Variants in SIX1 observed in about 807,000 individuals in gnomAD.
The protein encoded by SIX1 is SIX homeobox 1.
SIX1 carries 11 observed loss-of-function variants against 26.5 expected under a neutral mutation model. The observed-to-expected ratio is 0.41, with a 90% CI of 0.26 to 0.69. The LOEUF (loss-of-function observed/expected upper bound fraction) is 0.69, where lower values mean the gene tolerates loss of function less well. Ranked by LOEUF, SIX1 falls within the 30% of genes least tolerant of loss-of-function variation. SIX1 has a pLI of 0.28. For missense variants in SIX1, 333 were observed against 365.9 expected (o/e 0.91, Z 0.73); for synonymous variants, 177 against 166.2 (o/e 1.06, Z -0.50).
chr14:60,648,842 T>A lies in SIX1; in HGVS notation c.348A>T (p.Pro116=). 1 of 1,614,150 alleles carries A rather than the reference T, an allele frequency of 6.2e-7. No homozygotes were observed. ...CGCCGTCCCAGATGGTGCGCGGCAG[T>A]GGAAATTTTCGGCGCACCCGATATT... is the stretch of plus-strand genomic sequence containing the variant. ...VGKYRVRRKF[P]LPRTIWDGEE... is the part of the protein sequence containing the mutation. Residue 116 remains proline (P), a synonymous_variant, in exon 1 of 2, where the codon CCA becomes CCT. Coordinates refer to ENST00000645694, the MANE Select transcript of SIX1 (RefSeq NM_005982.4). The surrounding 1 kb of genome is among the most constrained non-coding windows in gnomAD (Gnocchi z 7.9).
chr14:60,648,521 C>T lies in SIX1; in HGVS notation c.560+109G>A. The T allele has an allele frequency of 8.7e-7, 1 of 1,154,894 alleles. No individual in the cohort carries two copies. Among genetic ancestry groups the T allele is most frequent in the African/African-American group, 1.5e-5 (1 of 65,510 alleles). The allele number at this position is 1,154,894 out of a possible 1,614,324, so 71.5% of individuals were successfully genotyped here. A position where few individuals can be genotyped will look rare whatever the true frequency, so the allele number is the denominator to read the frequency against. ...CTGCGCGCCGCCCCGTGGACGGGCT[C>T]CGGCCGGCGGGGAGGACTTGGTGGC... On this transcript the variant is annotated intron_variant, in intron 1 of 1. Transcript: ENST00000645694. This position sits in a 1 kb window ranked among gnomAD's most constrained non-coding sequence, Gnocchi z 7.9.
chr14:60,648,708 G>C lies in SIX1; in HGVS notation c.482C>G (p.Thr161Ser), dbSNP rs779837812. 5.0e-6 allele frequency: 8 copies of C among 1,613,816 alleles called. No homozygotes were observed. The highest frequency in any genetic ancestry group is 1.7e-5 in the Admixed American group (1 of 60,010). Residue 161 changes from threonine to serine, a missense_variant, in exon 1 of 2, where the codon ACC becomes AGC. Thr to Ser is a moderately conservative substitution (Grantham distance 58). Coordinates refer to ENST00000645694, the MANE Select transcript of SIX1 (RefSeq NM_005982.4). The surrounding 1 kb of genome is among the most constrained non-coding windows in gnomAD (Gnocchi z 7.9). The stretch of plus-strand genomic sequence containing the variant: ...GCTGACCTGGGTGGTGGTGAGGCCG[G>C]TGGCCTCGGCCAGCTCCCGCTTCTC... Reference protein sequence around the residue: ...PREKRELAEATGLTTTQVSNW... With the variant: ...PREKRELAEASGLTTTQVSNW...
Position 60,648,426 on chromosome 14 carries a change from G to A in SIX1, c.560+204C>T, listed in dbSNP as rs1024253318. On this transcript the variant is annotated intron_variant, in intron 1 of 1. Transcript: ENST00000645694. This position sits in a 1 kb window ranked among gnomAD's most constrained non-coding sequence, Gnocchi z 7.9. ...AGAAACCCACGCGCGGGTGCTCAAA[G>A]CAAATGAGGCCCCATCCTTAGCAAG... Among the ~76,000 whole-genome samples, 1 of 152,238 alleles carries A rather than the reference G, an allele frequency of 6.6e-6. No homozygotes were observed. Among genetic ancestry groups the A allele is most frequent in the African/African-American group, 2.4e-5 (1 of 41,470 alleles).
At position 60,644,561 on chromosome 14, in the gene SIX1, A is replaced by G. The variant is rs1026927518; in HGVS notation, c.*1722T>C. ...TTTTCTAGACCAGAACAGAAATAGG[A>G]AAGAGTAAGAAAGAAATAATATATT... On this transcript the variant is annotated 3_prime_UTR_variant, in exon 2 of 2. Coordinates refer to ENST00000645694, the MANE Select transcript of SIX1 (RefSeq NM_005982.4). The G allele has an allele frequency of 6.6e-6, 1 of 152,220 alleles. No homozygotes were observed. Among genetic ancestry groups the G allele is most frequent in the Non-Finnish European group, 1.5e-5 (1 of 68,044 alleles). The allele number at this position is 152,220 out of a possible 1,614,324, so 9.4% of individuals were successfully genotyped here. A position where few individuals can be genotyped will look rare whatever the true frequency, so the allele number is the denominator to read the frequency against.
In SIX1 at chr14:60,649,192, C is replaced by G. The variant is rs775477360; in HGVS notation, c.-3G>C. 10 of 1,605,856 alleles carry G rather than the reference C, an allele frequency of 6.2e-6. No individual in the cohort carries two copies. The highest frequency in any genetic ancestry group is 1.3e-5 in the African/African-American group (1 of 74,928). On this transcript the variant is annotated 5_prime_UTR_variant, in exon 1 of 2. Transcript: ENST00000645694. This position sits in a 1 kb window ranked among gnomAD's most constrained non-coding sequence, Gnocchi z 5.1. ...CCAAACGACGGCAGCATCGACATGG[C>G]TGGGGCCTGCCGGGGCGCACGGCCC...
chr14:60,648,539 T>A lies in SIX1; in HGVS notation c.560+91A>T. The A allele has an allele frequency of 2.2e-6, 3 of 1,339,448 alleles. No homozygotes were observed. Among genetic ancestry groups the A allele is most frequent in the Non-Finnish European group, 3.1e-6 (3 of 965,950 alleles). 83.0% of individuals were successfully genotyped at this position (1,339,448 alleles called of 1,614,324 possible). A position where few individuals can be genotyped will look rare whatever the true frequency, so the allele number is the denominator to read the frequency against. On this transcript the variant is annotated intron_variant, in intron 1 of 1. Transcript: ENST00000645694. The surrounding 1 kb of genome is among the most constrained non-coding windows in gnomAD (Gnocchi z 7.9). ...ACGGGCTCCGGCCGGCGGGGAGGAC[T>A]TGGTGGCTGGTGCCTGCGGGGGCGG... is the stretch of plus-strand genomic sequence containing the variant.
In SIX1 at chr14:60,646,652, A is replaced by C. The variant is rs375926073; in HGVS notation, c.561-75T>G. The C allele has an allele frequency of 2.7e-4, 354 of 1,300,940 alleles. 2 individuals are homozygous for C. The African/African-American group carries it at 4.7e-3, about 17-fold the overall frequency. 80.6% of individuals were successfully genotyped at this position (1,300,940 alleles called of 1,614,324 possible). A position where few individuals can be genotyped will look rare whatever the true frequency, so the allele number is the denominator to read the frequency against. ...AAAAGTAGGTTAAAAAAAAAGTGTG[A>C]GATGGAGGGAGGGGAGCTGGAAGGA... On this transcript the variant is annotated intron_variant, in intron 1 of 1. Transcript: ENST00000645694.
chr14:60,646,667 A>C, intron 1 of SIX1, 90 bp from the exon 2 acceptor site: 2 of 1,106,882 alleles, frequency 1.8e-6, no homozygotes, highest in Non-Finnish European at 2.6e-6. Flanking sequence ...GAGGGAGGGG[A>C]GCTGGAAGGA....
rs890107472 is a variant in SIX1, at chr14:60,649,007, G to A, written c.183C>T (p.Gly61=). 1.9e-6 allele frequency: 3 copies of A among 1,613,998 alleles called. No individual in the cohort carries two copies. Among genetic ancestry groups the A allele is most frequent in the Admixed American group, 3.3e-5 (2 of 60,014 alleles). The part of the protein sequence containing the change: ...KAKAVVAFHR[G]NFRELYKILE... ...GGATCTTGTAGAGCTCACGGAAGTT[G>A]CCGCGGTGGAAGGCGACCACCGCCT... Residue 61 remains glycine, a synonymous_variant, in exon 1 of 2, where the codon GGC becomes GGT. Coordinates refer to ENST00000645694, the MANE Select transcript of SIX1 (RefSeq NM_005982.4). The surrounding 1 kb of genome is among the most constrained non-coding windows in gnomAD (Gnocchi z 5.1).
At position 60,649,450 on chromosome 14, in the gene SIX1, G is replaced by T. The variant is rs1378348027; in HGVS notation, c.-261C>A. 4.7e-6 allele frequency: 2 copies of T among 423,218 alleles called. No homozygotes were observed. The highest frequency in any genetic ancestry group is 8.4e-6 in the Non-Finnish European group (2 of 238,514). 26.2% of individuals were successfully genotyped at this position (423,218 alleles called of 1,614,324 possible). The stretch of plus-strand genomic sequence containing the variant: ...CTTGCTGCCTCCGACCTCCCGCCCG[G>T]TGGATGCTGCTAGTTGCCGGGGAAC... On this transcript the variant is annotated 5_prime_UTR_variant, in exon 1 of 2. Transcript: ENST00000645694. The surrounding 1 kb of genome is among the most constrained non-coding windows in gnomAD (Gnocchi z 5.1).
In SIX1 at chr14:60,649,207, G is replaced by T. The variant is rs749901536; in HGVS notation, c.-18C>A. ...ATCGACATGGCTGGGGCCTGCCGGG[G>T]CGCACGGCCCAGGCGCACGCGGCAG... On this transcript the variant is annotated 5_prime_UTR_variant, in exon 1 of 2. Transcript: ENST00000645694. This position sits in a 1 kb window ranked among gnomAD's most constrained non-coding sequence, Gnocchi z 5.1. The T allele has an allele frequency of 6.2e-7, 1 of 1,601,946 alleles. No individual in the cohort carries two copies. The highest frequency in any genetic ancestry group is 1.1e-5 in the South Asian group (1 of 90,684).
At chr14:60,646,690 T>G in intron 1 of SIX1, 113 bp from the exon 2 acceptor site, 2 of 915,758 alleles carry the variant, frequency 2.2e-6, no homozygotes, top group Non-Finnish European at 3.3e-6. Context: ...AAAGGGCCAT[T>G]GTGCAATCTG....
chr14:60,649,280 C>G lies in SIX1; in HGVS notation c.-91G>C. The G allele has an allele frequency of 8.4e-7, 1 of 1,188,742 alleles. No homozygotes were observed. Among genetic ancestry groups the G allele is most frequent in the Non-Finnish European group, 1.2e-6 (1 of 839,020 alleles). 73.6% of individuals were successfully genotyped at this position (1,188,742 alleles called of 1,614,324 possible). The stretch of plus-strand genomic sequence containing the variant: ...GGCGGCGGCCGCAGGGAGGGGGGCG[C>G]GGCTGTTCCTAACCTCCTCCTTAGG... On this transcript the variant is annotated 5_prime_UTR_variant, in exon 1 of 2. Coordinates refer to ENST00000645694, the MANE Select transcript of SIX1 (RefSeq NM_005982.4). The surrounding 1 kb of genome is among the most constrained non-coding windows in gnomAD (Gnocchi z 5.1).
chr14:60,645,068 G>A lies in SIX1; in HGVS notation c.*1215C>T, dbSNP rs181833190. 60 of 152,208 alleles carry A rather than the reference G, an allele frequency of 3.9e-4. No homozygotes were observed. Among genetic ancestry groups the A allele is most frequent in the African/African-American group, 1.4e-3 (59 of 41,536 alleles). The allele number at this position is 152,208 out of a possible 1,614,324, so 9.4% of individuals were successfully genotyped here. A position where few individuals can be genotyped will look rare whatever the true frequency, so the allele number is the denominator to read the frequency against. On this transcript the variant is annotated 3_prime_UTR_variant, in exon 2 of 2. Transcript: ENST00000645694. This position sits in a 1 kb window ranked among gnomAD's most constrained non-coding sequence, Gnocchi z 4.6. ...AAAATTGCATATCTAAATAATAGAA[G>A]TTAATAAATACCCCAAGGCTAAATT...
rs1268579529 is a variant in SIX1, at chr14:60,648,853, G to C, written c.337C>G (p.Arg113Gly). Residue 113 changes from arginine to glycine, a missense_variant, in exon 1 of 2, where the codon CGA becomes GGA. This residue lies in a region of SIX1 where 1 missense variants were observed against 18.9 expected (regional missense o/e 0.05). Transcript: ENST00000645694. The surrounding 1 kb of genome is among the most constrained non-coding windows in gnomAD (Gnocchi z 7.9). ...ATGGTGCGCGGCAGTGGAAATTTTC[G>C]GCGCACCCGATATTTGCCCACGGCG... is the stretch of plus-strand genomic sequence containing the variant. ...LGAVGKYRVRRKFPLPRTIWD... is the reference protein window; with the variant it reads ...LGAVGKYRVRGKFPLPRTIWD... 1 of 1,614,090 alleles carries C rather than the reference G, an allele frequency of 6.2e-7. No homozygotes were observed. The highest frequency in any genetic ancestry group is 8.5e-7 in the Non-Finnish European group (1 of 1,180,050).
At position 60,649,280 on chromosome 14, in the gene SIX1, C is replaced by T; in HGVS notation, c.-91G>A. ...GGCGGCGGCCGCAGGGAGGGGGGCGCGGCTGTTCCTAACCTCCTCCTTAGG... is the reference window on the plus strand; with the variant it reads ...GGCGGCGGCCGCAGGGAGGGGGGCGTGGCTGTTCCTAACCTCCTCCTTAGG... On this transcript the variant is annotated 5_prime_UTR_variant, in exon 1 of 2. Coordinates refer to ENST00000645694, the MANE Select transcript of SIX1 (RefSeq NM_005982.4). This position sits in a 1 kb window ranked among gnomAD's most constrained non-coding sequence, Gnocchi z 5.1. 2 of 1,188,738 alleles carry T rather than the reference C, an allele frequency of 1.7e-6. No individual in the cohort carries two copies. Among genetic ancestry groups the T allele is most frequent in the Non-Finnish European group, 2.4e-6 (2 of 839,016 alleles). The allele number at this position is 1,188,738 out of a possible 1,614,324, so 73.6% of individuals were successfully genotyped here. A position where few individuals can be genotyped will look rare whatever the true frequency, so the allele number is the denominator to read the frequency against.
rs762353418 is a variant in SIX1, at chr14:60,646,325, CAG to C, written c.811_812del (p.Leu271AlafsTer34). The stretch of plus-strand genomic sequence containing the variant: ...CCAGACTGGAGGTGAGGGGGCCGAG[CAG>C]AGAGTCTTGGAGCTGATGCTGGTGG... The part of the protein sequence containing the change: ...QTHQHQLQDS[L>X]LGPLTSSLVD... On this transcript the variant is annotated frameshift_variant, in exon 2 of 2. Coordinates refer to ENST00000645694, the MANE Select transcript of SIX1 (RefSeq NM_005982.4). LOFTEE classifies it high-confidence loss of function. 46 of 1,613,566 alleles carry C rather than the reference CAG, an allele frequency of 2.9e-5. No individual in the cohort carries two copies. The highest frequency in any genetic ancestry group is 3.7e-5 in the Non-Finnish European group (44 of 1,179,804).
At position 60,647,001 on chromosome 14, in the gene SIX1, T is replaced by C. The variant is rs1455976260; in HGVS notation, c.561-424A>G. On this transcript the variant is annotated intron_variant, in intron 1 of 1. Coordinates refer to ENST00000645694, the MANE Select transcript of SIX1 (RefSeq NM_005982.4). This position sits in a 1 kb window ranked among gnomAD's most constrained non-coding sequence, Gnocchi z 5.1. ...ATAGATATTGGTGATAAAGAAATGA[T>C]AGAGGACAGAGTCCAATGCACAAAT... is the stretch of plus-strand genomic sequence containing the variant. Among the ~76,000 whole-genome samples, 2 of 152,234 alleles carry C rather than the reference T, an allele frequency of 1.3e-5. No homozygotes were observed. Among genetic ancestry groups the C allele is most frequent in the African/African-American group, 2.4e-5 (1 of 41,464 alleles).
chr14:60,649,193 TG>T lies in SIX1; in HGVS notation c.-5del. On this transcript the variant is annotated 5_prime_UTR_variant, in exon 1 of 2. Coordinates refer to ENST00000645694, the MANE Select transcript of SIX1 (RefSeq NM_005982.4). The surrounding 1 kb of genome is among the most constrained non-coding windows in gnomAD (Gnocchi z 5.1). The stretch of plus-strand genomic sequence containing the variant: ...CAAACGACGGCAGCATCGACATGGC[TG>T]GGGCCTGCCGGGGCGCACGGCCCAG... The T allele has an allele frequency of 6.2e-7, 1 of 1,605,826 alleles. No homozygotes were observed.
Sources: allele counts gnomAD v4.1 joint callset (sites outside exome capture counted in the v4.1 genomes callset), GRCh38; gene constraint gnomAD v4.1.1; regional missense constraint gnomAD v4.1.1; non-coding constraint Gnocchi (gnomAD v3.1); transcripts MANE v1.5; gene names NCBI Gene and HGNC (gene_info 2026-07-23, HGNC 2026-07-21).